The following PLD5 variants were observed in gnomAD, a reference collection of about 807,000 sequenced individuals.
PLD5 encodes inactive phospholipase D5.
In PLD5, 36 loss-of-function variants were observed where a neutral mutation model predicts 61.1. That is an observed-to-expected ratio of 0.59 (90% CI 0.45 to 0.78). The LOEUF (loss-of-function observed/expected upper bound fraction) is 0.78. Ranked by LOEUF, PLD5 falls within the 30% of genes least tolerant of loss-of-function variation. The probability of loss-of-function intolerance (pLI) is 0.00; values close to 1 mark genes in which losing one functional copy is unlikely to be tolerated. For synonymous variants in PLD5, 243 were observed against 242.8 expected (o/e 1.00, Z -0.01); for missense variants, 515 against 644.4 (o/e 0.80, Z 2.17).
chr1:242,327,207 A>G (rs1343500270), intron 2 of PLD5, among the ~76,000 whole-genome samples: 1 of 149,678 alleles, frequency 6.7e-6, no homozygotes, highest in Non-Finnish European at 1.5e-5. Flanking sequence ...GGGTCTCACT[A>G]TGTTGCCCAG....
intron 2 of PLD5, among the ~76,000 whole-genome samples, chr1:242,306,693 T>C (rs1676369699): frequency 6.6e-6 from 1 of 151,942 alleles, no homozygotes; most frequent in Non-Finnish European, 1.5e-5. Flanking sequence ...ACTGCACTCA[T>C]ATTACCAAGG....
chr1:242,412,280 C>T (rs1209725647), intron 1 of PLD5, among the ~76,000 whole-genome samples: 1 of 152,204 alleles, frequency 6.6e-6, no homozygotes, highest in Admixed American at 6.5e-5. Context: ...ATGAACTCAG[C>T]TTCCAGGGTT....
intron 1 of PLD5, among the ~76,000 whole-genome samples, chr1:242,460,194 T>C (rs1205692892): frequency 1.3e-5 from 2 of 152,180 alleles, no homozygotes; most frequent in African/African-American, 4.8e-5. Context: ...TTCATCCCCA[T>C]GTGACCATCT....
chr1:242,425,524 G>C (rs1665370796), intron 1 of PLD5, among the ~76,000 whole-genome samples: 1 of 152,014 alleles, frequency 6.6e-6, no homozygotes, highest in Non-Finnish European at 1.5e-5. Context: ...TGAAGGCCTA[G>C]GATATTACTG....
chr1:242,434,199 G>C (rs1253713816), intron 1 of PLD5, among the ~76,000 whole-genome samples: 1 of 152,230 alleles, frequency 6.6e-6, no homozygotes, highest in Non-Finnish European at 1.5e-5. Context: ...GCATGGACCA[G>C]CGTCGGTAGA....
chr1:242,496,572 G>C (rs1469244773), intron 1 of PLD5, among the ~76,000 whole-genome samples: 3 of 152,154 alleles, frequency 2.0e-5, no homozygotes, highest in Non-Finnish European at 1.5e-5. Context: ...TTCTATCAGA[G>C]GACTAAGTGA....
At chr1:242,211,638 A>T (rs1381584814) in intron 5 of PLD5, among the ~76,000 whole-genome samples, 1 of 152,162 alleles carries the variant, frequency 6.6e-6, no homozygotes, top group East Asian at 1.9e-4. Flanking sequence ...CTCATCCGTC[A>T]TGCAGCTGAG....
At chr1:242,434,306 A>G (rs1419723571) in intron 1 of PLD5, among the ~76,000 whole-genome samples, 5 of 152,230 alleles carry the variant, frequency 3.3e-5, no homozygotes, top group African/African-American at 4.8e-5. Flanking sequence ...AGAAGAGCCG[A>G]GAAGACTTTG....
At chr1:242,147,313 G>C (rs1417289386) in intron 5 of PLD5, among the ~76,000 whole-genome samples, 1 of 152,208 alleles carries the variant, frequency 6.6e-6, no homozygotes, top group Non-Finnish European at 1.5e-5. Flanking sequence ...ATGCATGTGA[G>C]ATCCATTCAT....
chr1:242,083,851 A>G lies in PLD5; in HGVS notation c.*6003T>C, dbSNP rs541533883. On this transcript the variant is annotated 3_prime_UTR_variant, in exon 10 of 10. Coordinates refer to ENST00000536534, the MANE Select transcript of PLD5 (RefSeq NM_001372062.1). ...GTTTTTAATCCTGGGAATTGAGGTC[A>G]TATTTCCAAGATTGGTTGTGCATTT... 6 of 152,268 alleles carry G rather than the reference A, an allele frequency of 3.9e-5. No homozygotes were observed. Among genetic ancestry groups the G allele is most frequent in the African/African-American group, 1.4e-4 (6 of 41,518 alleles). The allele number at this position is 152,268 out of a possible 1,614,324, so 9.4% of individuals were successfully genotyped here.
chr1:242,465,057 G>A (rs930730743), intron 1 of PLD5, among the ~76,000 whole-genome samples: 2 of 152,122 alleles, frequency 1.3e-5, no homozygotes, highest in African/African-American at 4.8e-5. Flanking sequence ...TGACAAAAAT[G>A]TTTTAGAACT....
Position 242,504,760 on chromosome 1 carries a change from C to A in PLD5, c.189+19328G>T, listed in dbSNP as rs974553530. ...CTGCCTCGGTGAAACATGATTTTCCCAAATATTTTTTTTTAAAAAAACTAA... is the reference window on the plus strand; with the variant it reads ...CTGCCTCGGTGAAACATGATTTTCCAAAATATTTTTTTTTAAAAAAACTAA... On this transcript the variant is annotated intron_variant, in intron 1 of 9. Transcript: ENST00000536534. 7.9e-5 allele frequency among the ~76,000 whole-genome samples: 12 copies of A among 152,104 alleles called. 1 individual carries two copies. In the South Asian group the frequency reaches 2.5e-3, roughly 32 times the overall value.
At chr1:242,108,961 A>C (rs1661274114) in intron 7 of PLD5, among the ~76,000 whole-genome samples, 2 of 152,288 alleles carry the variant, frequency 1.3e-5, no homozygotes, top group Non-Finnish European at 1.5e-5. Flanking sequence ...ATCACTTGAA[A>C]GATACTTGCC....
At chr1:242,316,629 T>A (rs1312689980) in intron 2 of PLD5, among the ~76,000 whole-genome samples, 1 of 152,238 alleles carries the variant, frequency 6.6e-6, no homozygotes, top group Non-Finnish European at 1.5e-5. Flanking sequence ...TTAATAATTT[T>A]AAGTTCAAGG....
At chr1:242,130,193 A>G (rs957553188) in intron 5 of PLD5, among the ~76,000 whole-genome samples, 1 of 151,952 alleles carries the variant, frequency 6.6e-6, no homozygotes, top group Non-Finnish European at 1.5e-5. Flanking sequence ...CTGTGATTAC[A>G]GGCTCCCGCC....
chr1:242,164,488 G>A (rs1666156123), intron 5 of PLD5, among the ~76,000 whole-genome samples: 1 of 152,066 alleles, frequency 6.6e-6, no homozygotes, highest in Non-Finnish European at 1.5e-5. Flanking sequence ...ATCAGTACAT[G>A]GACATGTTAT....
chr1:242,366,176 C>G (rs895844262), intron 1 of PLD5, among the ~76,000 whole-genome samples: 2 of 152,116 alleles, frequency 1.3e-5, no homozygotes, highest in Non-Finnish European at 2.9e-5. Flanking sequence ...ACTGAAGAAA[C>G]CATGCCTCTA....
chr1:242,397,329 T>C (rs562378138), intron 1 of PLD5, among the ~76,000 whole-genome samples: 1 of 138,222 alleles, frequency 7.2e-6, no homozygotes, highest in East Asian at 2.1e-4. Flanking sequence ...TATCCTTGAC[T>C]TCTGTTTTTT....
At chr1:242,503,220 C>G (rs1668613677) in intron 1 of PLD5, among the ~76,000 whole-genome samples, 1 of 152,138 alleles carries the variant, frequency 6.6e-6, no homozygotes, top group African/African-American at 2.4e-5. Context: ...ATCACGGGCA[C>G]AGATCCTTCA....
Sources: allele counts gnomAD v4.1 joint callset (sites outside exome capture counted in the v4.1 genomes callset), GRCh38; gene constraint gnomAD v4.1.1; transcripts MANE v1.5; gene names NCBI Gene and HGNC (gene_info 2026-07-23, HGNC 2026-07-21).